The following RGL1 variants were observed in gnomAD, a reference collection of about 807,000 sequenced individuals.
The protein encoded by RGL1 is ral guanine nucleotide dissociation stimulator like 1.
RGL1 carries 24 observed loss-of-function variants against 95.2 expected under a neutral mutation model. The observed-to-expected ratio is 0.25, with a 90% CI of 0.18 to 0.35. RGL1 has a LOEUF of 0.35. Ranked by LOEUF, RGL1 falls within the 10% of genes least tolerant of loss-of-function variation. The pLI is 1.00. For synonymous variants in RGL1, 329 were observed against 344.9 expected (o/e 0.95, Z 0.51); for missense variants, 715 against 936.3 (o/e 0.76, Z 3.08).
chr1:183,834,467 C>T (rs1303308398), intron 2 of RGL1, among the ~76,000 whole-genome samples: 1 of 152,136 alleles, frequency 6.6e-6, no homozygotes, highest in Non-Finnish European at 1.5e-5. Context: ...GCAACTCCCT[C>T]TGTGAGGCTC....
intron 1 of RGL1, among the ~76,000 whole-genome samples, chr1:183,688,985 T>A (rs1653782577): frequency 6.6e-6 from 1 of 152,200 alleles, no homozygotes; most frequent in African/African-American, 2.4e-5. Flanking sequence ...AAACATTGAA[T>A]AAATAACTTT....
At chr1:183,713,667 G>A (rs1655446168) in intron 1 of RGL1, among the ~76,000 whole-genome samples, 1 of 152,136 alleles carries the variant, frequency 6.6e-6, no homozygotes, top group African/African-American at 2.4e-5. Context: ...AGCACTGTCT[G>A]TGAACCAGAA....
chr1:183,926,074 T>G (rs1669597999), intron 17 of RGL1, 31 bp from the exon 18 acceptor site: 2 of 1,597,448 alleles, frequency 1.3e-6, no homozygotes, highest in Non-Finnish European at 1.7e-6. Flanking sequence ...CTCCACAAGC[T>G]GACCATCTTA....
At chr1:183,821,204 A>G (rs1662467793) in intron 2 of RGL1, among the ~76,000 whole-genome samples, 1 of 152,138 alleles carries the variant, frequency 6.6e-6, no homozygotes, top group Non-Finnish European at 1.5e-5. Flanking sequence ...GCAACTAAAA[A>G]ATTTTAAATT....
At chr1:183,719,915 G>GA (rs910301705) in intron 1 of RGL1, among the ~76,000 whole-genome samples, 20 of 150,194 alleles carry the variant, frequency 1.3e-4, no homozygotes, top group South Asian at 8.4e-4. Flanking sequence ...CAAAAAAAAT[G>GA]AAAAAAAAAT....
At chr1:183,679,695 C>T (rs927207454) in intron 1 of RGL1, among the ~76,000 whole-genome samples, 2 of 151,990 alleles carry the variant, frequency 1.3e-5, no homozygotes, top group African/African-American at 4.8e-5. Context: ...TGTGTCTTTA[C>T]AGTAGAATAA....
chr1:183,898,712 C>A (rs188463415), intron 10 of RGL1, among the ~76,000 whole-genome samples: 1 of 152,302 alleles, frequency 6.6e-6, no homozygotes, highest in Admixed American at 6.5e-5. Context: ...CTAAAAATAG[C>A]TGTTACCAAA....
At chr1:183,849,789 A>G (rs899685489) in intron 3 of RGL1, among the ~76,000 whole-genome samples, 2 of 152,144 alleles carry the variant, frequency 1.3e-5, no homozygotes, top group African/African-American at 4.8e-5. Context: ...CGCCCAGCAA[A>G]TTTGTTTTTT....
At chr1:183,786,650 G>A (rs1660195532) in intron 2 of RGL1, among the ~76,000 whole-genome samples, 1 of 152,084 alleles carries the variant, frequency 6.6e-6, no homozygotes, top group Admixed American at 6.5e-5. Flanking sequence ...AAGAACTAAT[G>A]CAATTCATAA....
chr1:183,905,460 G>A (rs1668265317), intron 13 of RGL1, among the ~76,000 whole-genome samples: 1 of 152,130 alleles, frequency 6.6e-6, no homozygotes, highest in South Asian at 2.1e-4. Flanking sequence ...GGAAGAATTG[G>A]GGAAAATAAG....
intron 2 of RGL1, among the ~76,000 whole-genome samples, chr1:183,787,328 T>C (rs1660225919): frequency 6.6e-6 from 1 of 152,218 alleles, no homozygotes; most frequent in Admixed American, 6.5e-5. Flanking sequence ...TCCTTCAGGA[T>C]GCCTTAATGG....
At chr1:183,784,316 G>C (rs968985968) in intron 2 of RGL1, among the ~76,000 whole-genome samples, 1 of 152,234 alleles carries the variant, frequency 6.6e-6, no homozygotes, top group Non-Finnish European at 1.5e-5. Context: ...ACAGGAACAG[G>C]TGGCACTTAG....
intron 1 of RGL1, among the ~76,000 whole-genome samples, chr1:183,658,947 G>T (rs1265972969): frequency 6.6e-6 from 1 of 151,752 alleles, no homozygotes; most frequent in Non-Finnish European, 1.5e-5. Flanking sequence ...AGGCAAACAG[G>T]GTCTGGAGTG....
intron 1 of RGL1, among the ~76,000 whole-genome samples, chr1:183,663,127 A>G (rs1651767602): frequency 2.0e-5 from 3 of 151,750 alleles, no homozygotes; most frequent in Admixed American, 1.3e-4. Context: ...AAACCTAGGC[A>G]TTACCATTCA....
chr1:183,730,483 G>A (rs1558176924), intron 1 of RGL1, among the ~76,000 whole-genome samples: 2 of 152,220 alleles, frequency 1.3e-5, no homozygotes. Context: ...AGACTAAAGC[G>A]TCAGGGACTC....
At chr1:183,864,669 G>A (rs1005038692) in intron 3 of RGL1, among the ~76,000 whole-genome samples, 3 of 152,212 alleles carry the variant, frequency 2.0e-5, no homozygotes, top group Non-Finnish European at 2.9e-5. Flanking sequence ...CTTCTAAATA[G>A]CAGGTGCAGG....
At chr1:183,835,109 A>C (rs1663545539) in intron 2 of RGL1, among the ~76,000 whole-genome samples, 1 of 152,228 alleles carries the variant, frequency 6.6e-6, no homozygotes, top group Non-Finnish European at 1.5e-5. Context: ...TTTACATAAA[A>C]TTTTGATCAT....
At chr1:183,650,116 C>T (rs557723122) in intron 1 of RGL1, among the ~76,000 whole-genome samples, 11 of 152,264 alleles carry the variant, frequency 7.2e-5, no homozygotes, top group East Asian at 1.9e-4. Flanking sequence ...TCCAGCCTTC[C>T]GTCACTATTA....
Position 183,805,194 on chromosome 1 carries a change from C to G in RGL1, c.-104C>G. The stretch of plus-strand genomic sequence containing the variant: ...TCTGTGCGCTGCGGTCGCTCGGGAC[C>G]GGGACCGGGGCGAGGCGCCGCGGGG... On this transcript the variant is annotated 5_prime_UTR_variant, in exon 1 of 18. Coordinates refer to ENST00000360851, the MANE Select transcript of RGL1 (RefSeq NM_001297671.3). 1 of 1,500,840 alleles carries G rather than the reference C, an allele frequency of 6.7e-7. No homozygotes were observed. The highest frequency in any genetic ancestry group is 9.0e-7 in the Non-Finnish European group (1 of 1,115,958). The allele number at this position is 1,500,840 out of a possible 1,614,324, so 93.0% of individuals were successfully genotyped here.
Sources: gnomAD v4.1 joint callset for allele counts (sites outside exome capture counted in the v4.1 genomes callset) on GRCh38, gnomAD v4.1.1 for gene constraint, MANE v1.5 for transcripts, NCBI Gene and HGNC (gene_info 2026-07-23, HGNC 2026-07-21) for gene names.